The following SLC9A1 variants were observed in gnomAD, a reference collection of about 807,000 sequenced individuals.
The protein encoded by SLC9A1 is sodium/hydrogen exchanger 1.
SLC9A1 carries 22 observed loss-of-function variants against 67.9 expected under a neutral mutation model. That is an observed-to-expected ratio of 0.32 (90% confidence interval 0.23 to 0.46). The LOEUF is 0.46. Ranked by LOEUF, SLC9A1 falls within the 20% of genes least tolerant of loss-of-function variation. SLC9A1 has a pLI of 1.00. For synonymous variants in SLC9A1, 421 were observed against 471.8 expected (o/e 0.89, Z 1.40); for missense variants, 686 against 1,094.8 (o/e 0.63, Z 5.27).
chr1:27,103,539 A>C, intron 5 of SLC9A1: 2 of 563,106 alleles, frequency 3.6e-6, no homozygotes, highest in Non-Finnish European at 6.4e-6. Context: ...TCACTGCCAA[A>C]TGACCCCCAC....
rs183947638 is a variant in SLC9A1 at position 27,120,208 on chromosome 1, G to A, written c.353-5922C>T. Among the ~76,000 whole-genome samples, 69 of 152,018 alleles carry A rather than the reference G, an allele frequency of 4.5e-4. 1 individual carries two copies. The Middle Eastern group carries it at 0.017, about 37-fold the overall frequency. ...TGGCGCGATTTCGGCTCACTACAGC[G>A]TCTGCCTCCCGGGTTCAAGTGATTC... On this transcript the variant is annotated intron_variant, in intron 1 of 11. Coordinates refer to ENST00000263980, the MANE Select transcript of SLC9A1 (RefSeq NM_003047.5).
At chr1:27,107,545 C>T in intron 4 of SLC9A1, 103 bp downstream of exon 4, 1 of 859,468 alleles carries the variant, frequency 1.2e-6, no homozygotes. Flanking sequence ...CTGGCCCTTC[C>T]ACATAGTGCA....
At chr1:27,152,571 A>C (rs765791808) in intron 1 of SLC9A1, among the ~76,000 whole-genome samples, 1 of 152,172 alleles carries the variant, frequency 6.6e-6, no homozygotes, top group African/African-American at 2.4e-5. Context: ...CAGCTATTCA[A>C]GGTCATGCAT....
intron 5 of SLC9A1, chr1:27,103,623 C>A (rs1436374583): frequency 7.7e-6 from 3 of 388,780 alleles, no homozygotes; most frequent in Non-Finnish European, 1.5e-5. Context: ...ACTTGCTCTG[C>A]AACCCCATGG....
chr1:27,149,782 G>C (rs1003872134), intron 1 of SLC9A1, among the ~76,000 whole-genome samples: 10 of 152,366 alleles, frequency 6.6e-5, no homozygotes, highest in Admixed American at 5.9e-4. Flanking sequence ...AGCATCAGGA[G>C]CAGAACCCAG....
chr1:27,151,908 A>T (rs996053508), intron 1 of SLC9A1, among the ~76,000 whole-genome samples: 8 of 152,186 alleles, frequency 5.3e-5, no homozygotes, highest in African/African-American at 1.9e-4. Context: ...TGGAAAGGAG[A>T]CCACATCCAG....
In SLC9A1 at chr1:27,100,850, C is replaced by T. The variant is rs1324450666; in HGVS notation, c.2111-206G>A. Among the ~76,000 whole-genome samples, 1 of 152,224 alleles carries T rather than the reference C, an allele frequency of 6.6e-6. No individual in the cohort carries two copies. Among genetic ancestry groups the T allele is most frequent in the Non-Finnish European group, 1.5e-5 (1 of 68,032 alleles). Reference sequence around the variant, plus strand: ...TGGCCCTCTCCTTTGACAGGGGCTCCCAGAGGTGTCCCTCCACAGGCCAAG... The same window carrying T: ...TGGCCCTCTCCTTTGACAGGGGCTCTCAGAGGTGTCCCTCCACAGGCCAAG... On this transcript the variant is annotated intron_variant, in intron 11 of 11. Coordinates refer to ENST00000263980, the MANE Select transcript of SLC9A1 (RefSeq NM_003047.5). The surrounding 1 kb of genome is among the most constrained non-coding windows in gnomAD (Gnocchi z 5.6).
At chr1:27,115,448 T>C (rs2083258061) in intron 1 of SLC9A1, among the ~76,000 whole-genome samples, 1 of 152,072 alleles carries the variant, frequency 6.6e-6, no homozygotes, top group African/African-American at 2.4e-5. Flanking sequence ...AATCTGAGCA[T>C]CTAGTTGTAT....
At chr1:27,138,646 G>A (rs1389977132) in intron 1 of SLC9A1, among the ~76,000 whole-genome samples, 1 of 152,126 alleles carries the variant, frequency 6.6e-6, no homozygotes, top group Non-Finnish European at 1.5e-5. Context: ...TCTATGGGCA[G>A]TGCTCCAGGC....
chr1:27,120,148 T>A (rs367715374), intron 1 of SLC9A1, among the ~76,000 whole-genome samples: 1 of 151,918 alleles, frequency 6.6e-6, no homozygotes, highest in East Asian at 1.9e-4. Flanking sequence ...TTTTGTTTTG[T>A]TTTGGGGGGG....
rs141715004 is a variant in SLC9A1 at position 27,154,109 on chromosome 1, G to A, written c.226C>T (p.His76Tyr). ...TTCATGCCATGATCAGTGACGGAATGATTAACAGGGCGGCTCTCTGGGGTG... is the reference window on the plus strand; with the variant it reads ...TTCATGCCATGATCAGTGACGGAATAATTAACAGGGCGGCTCTCTGGGGTG... ...EVTPESRPVN[H>Y]SVTDHGMKPR... Residue 76 changes from histidine (H) to tyrosine (Y), a missense_variant, in exon 1 of 12, where the codon CAT becomes TAT. Transcript: ENST00000263980. 1,733 of 1,614,162 alleles carry A rather than the reference G, an allele frequency of 1.1e-3. 4 individuals carry two copies. Among genetic ancestry groups the A allele is most frequent in the Admixed American group, 1.5e-3 (88 of 60,028 alleles).
chr1:27,122,295 A>G (rs2083309457), intron 1 of SLC9A1, among the ~76,000 whole-genome samples: 1 of 152,130 alleles, frequency 6.6e-6, no homozygotes, highest in Admixed American at 6.5e-5. Context: ...ACCCCCAAAA[A>G]GTGATGCTCA....
At chr1:27,115,352 A>G (rs1341465507) in intron 1 of SLC9A1, among the ~76,000 whole-genome samples, 2 of 152,140 alleles carry the variant, frequency 1.3e-5, no homozygotes, top group African/African-American at 4.8e-5. Flanking sequence ...GCCTCTCTCA[A>G]TATCAGGTAT....
intron 1 of SLC9A1, among the ~76,000 whole-genome samples, chr1:27,116,509 C>T (rs2083273386): frequency 6.6e-6 from 1 of 152,230 alleles, no homozygotes; most frequent in South Asian, 2.1e-4. Flanking sequence ...CCAAGAGGAC[C>T]TCGAAGGCAC....
chr1:27,107,498 T>C (rs2124141471), intron 4 of SLC9A1, 150 bp downstream of exon 4: 1 of 642,696 alleles, frequency 1.6e-6, no homozygotes, highest in East Asian at 2.8e-5. Context: ...CTCCACACAA[T>C]ACTTATACAC....
chr1:27,113,716 G>T, intron 2 of SLC9A1, 110 bp downstream of exon 2: 1 of 842,410 alleles, frequency 1.2e-6, no homozygotes, highest in Non-Finnish European at 1.9e-6. Context: ...GCGGGAATGT[G>T]CCTCAGCTGT....
Position 27,100,029 on chromosome 1 carries a change from TC to T in SLC9A1, c.*277del, listed in dbSNP as rs1041278757. ...GGAGCCTCCGAGGCCCTAGTCCAGG[TC>T]CGGGAGAAGCCTGGATCTAGGGAGG... On this transcript the variant is annotated 3_prime_UTR_variant, in exon 12 of 12. Coordinates refer to ENST00000263980, the MANE Select transcript of SLC9A1 (RefSeq NM_003047.5). This position sits in a 1 kb window ranked among gnomAD's most constrained non-coding sequence, Gnocchi z 5.6. 3.5e-5 allele frequency: 14 copies of T among 401,464 alleles called. No individual in the cohort carries two copies. Among genetic ancestry groups the T allele is most frequent in the Middle Eastern group, 6.4e-4 (1 of 1,556 alleles). The allele number at this position is 401,464 out of a possible 1,614,324, so 24.9% of individuals were successfully genotyped here.
In SLC9A1 at chr1:27,109,828, C is replaced by T. The variant is rs764470244; in HGVS notation, c.814-51G>A. On this transcript the variant is annotated intron_variant, in intron 2 of 11. Coordinates refer to ENST00000263980, the MANE Select transcript of SLC9A1 (RefSeq NM_003047.5). The surrounding 1 kb of genome is among the most constrained non-coding windows in gnomAD (Gnocchi z 5.5). ...GTGGGAGGAGAGGGCCCTGGCCCCA[C>T]GGTTCCCTGGGGTCCACCCAGGGCA... 39 of 1,604,858 alleles carry T rather than the reference C, an allele frequency of 2.4e-5. No individual in the cohort carries two copies. The highest frequency in any genetic ancestry group is 2.1e-4 in the Middle Eastern group (1 of 4,876).
chr1:27,128,993 C>A (rs949428955), intron 1 of SLC9A1, among the ~76,000 whole-genome samples: 2 of 151,972 alleles, frequency 1.3e-5, no homozygotes, highest in Non-Finnish European at 2.9e-5. Flanking sequence ...AATGCATGCA[C>A]GCACGCACGC....
Sources: gnomAD v4.1 joint callset for allele counts (sites outside exome capture counted in the v4.1 genomes callset) on GRCh38, gnomAD v4.1.1 for gene constraint, Gnocchi (gnomAD v3.1) non-coding constraint, MANE v1.5 for transcripts, NCBI Gene and HGNC (gene_info 2026-07-23, HGNC 2026-07-21) for gene names.